The following BABAM2 variants were observed in gnomAD, a reference collection of about 807,000 sequenced individuals.
BABAM2 encodes BRISC and BRCA1-A complex member 2.
BABAM2 carries 31 observed loss-of-function variants against 54.7 expected under a neutral mutation model. The ratio of observed to expected loss-of-function variants is 0.57; its 90% CI spans 0.43 to 0.77. BABAM2 has a LOEUF of 0.77. Ranked by LOEUF, BABAM2 falls within the 30% of genes least tolerant of loss-of-function variation. The probability of loss-of-function intolerance (pLI) is 0.00; values close to 1 mark genes in which losing one functional copy is unlikely to be tolerated. For synonymous variants in BABAM2, 167 were observed against 162.9 expected (o/e 1.03, Z -0.19); for missense variants, 364 against 455.8 (o/e 0.80, Z 1.83).
intron 6 of BABAM2, among the ~76,000 whole-genome samples, chr2:28,109,675 T>C (rs1463773324): frequency 6.6e-6 from 1 of 152,196 alleles, no homozygotes; most frequent in Non-Finnish European, 1.5e-5. Flanking sequence ...GGGGATAGTC[T>C]CGCCCATGCC....
chr2:28,308,442 C>A, intron 11 of BABAM2: 2 of 527,474 alleles, frequency 3.8e-6, no homozygotes, highest in South Asian at 2.8e-5. Context: ...GACAACAACA[C>A]AACTTGTGTC....
chr2:28,162,081 A>C (rs575670207), intron 7 of BABAM2, among the ~76,000 whole-genome samples: 93 of 152,320 alleles, frequency 6.1e-4, no homozygotes, highest in Non-Finnish European at 1.2e-3. Flanking sequence ...AGTGATTTCA[A>C]ATGAAACCTT....
chr2:28,239,281 A>G (rs756754703), intron 8 of BABAM2, among the ~76,000 whole-genome samples: 3 of 152,234 alleles, frequency 2.0e-5, no homozygotes, highest in Admixed American at 6.5e-5. Flanking sequence ...CAACATGGCT[A>G]TCAGTACCAA....
chr2:28,270,493 T>A (rs1247485284), intron 10 of BABAM2, among the ~76,000 whole-genome samples: 1 of 152,220 alleles, frequency 6.6e-6, no homozygotes, highest in Admixed American at 6.5e-5. Context: ...TAAGTAGTGG[T>A]GTCTGGCACC....
intron 6 of BABAM2, among the ~76,000 whole-genome samples, chr2:28,118,599 T>C (rs1041721369): frequency 2.0e-5 from 3 of 152,186 alleles, no homozygotes; most frequent in Non-Finnish European, 4.4e-5. Context: ...ATGTTTAAGT[T>C]CCTTGTAAAC....
At chr2:28,153,122 T>C (rs1672211837) in intron 7 of BABAM2, among the ~76,000 whole-genome samples, 1 of 152,230 alleles carries the variant, frequency 6.6e-6, no homozygotes, top group Non-Finnish European at 1.5e-5. Flanking sequence ...GGAGTTGTTT[T>C]TTTTCTCCCC....
rs745376764 is a variant in BABAM2, at chr2:28,298,487, G to T, written c.1084G>T (p.Ala362Ser). ...GGATGGAAATGAAATGGCCAAAAGA[G>T]CAAAGTAAGTGAATCTGTCGTTATT... ...RWDGNEMAKR[A>S]KAYFKTFVPQ... The change falls in exon 11 of 12, where the codon GCA becomes TCA. Residue 362 changes from alanine (A) to serine (S), a missense_variant. Transcript: ENST00000379624. The T allele has an allele frequency of 1.1e-5, 17 of 1,613,998 alleles. No homozygotes were observed. Among genetic ancestry groups the T allele is most frequent in the Non-Finnish European group, 1.4e-5 (17 of 1,179,962 alleles).
intron 5 of BABAM2, among the ~76,000 whole-genome samples, chr2:28,044,386 C>T (rs781685314): frequency 2.6e-5 from 4 of 152,240 alleles, no homozygotes; most frequent in Admixed American, 1.3e-4. Flanking sequence ...CGTGCCACCA[C>T]GCCCGGCTAA....
intron 3 of BABAM2, among the ~76,000 whole-genome samples, chr2:27,961,365 C>A (rs931740467): frequency 3.3e-5 from 5 of 152,156 alleles, no homozygotes; most frequent in Non-Finnish European, 1.5e-5. Context: ...ACCCATGCAA[C>A]CATTCTGCTT....
At chr2:28,089,061 A>G (rs1359752614) in intron 6 of BABAM2, among the ~76,000 whole-genome samples, 3 of 151,936 alleles carry the variant, frequency 2.0e-5, no homozygotes, top group Non-Finnish European at 4.4e-5. Flanking sequence ...CTTTTTATTG[A>G]AAAGGGACAA....
In BABAM2 at chr2:28,300,160, G is replaced by A. The variant is rs149753736; in HGVS notation, c.1088+1669G>A. On this transcript the variant is annotated intron_variant, in intron 11 of 11. Transcript: ENST00000379624. ...TGCTATGTTGGCCAGGCTGGTCTCG[G>A]ACTCCTGACCTCAGGTGATCCGCCC... Among the ~76,000 whole-genome samples the A allele has an allele frequency of 7.1e-3, 1,079 of 152,048 alleles. 9 individuals are homozygous for A. The highest frequency in any genetic ancestry group is 0.025 in the African/African-American group (1,022 of 41,482).
rs1573790462 is a variant in BABAM2, at chr2:28,188,016, G to T, written c.681-49186G>T. Among the ~76,000 whole-genome samples the T allele has an allele frequency of 2.0e-5, 3 of 152,040 alleles. No individual in the cohort carries two copies. In the East Asian group the frequency reaches 5.8e-4, roughly 29 times the overall value. On this transcript the variant is annotated intron_variant, in intron 7 of 11. Coordinates refer to ENST00000379624, the MANE Select transcript of BABAM2 (RefSeq NM_199191.3). ...TTTCTATTACTTTTGTCATTTAAAA[G>T]GACTCAAGTATTTTTCCCCGGGCGC...
rs1441822289 is a variant in BABAM2 at position 28,237,243 on chromosome 2, C to T, written c.722C>T (p.Pro241Leu). ...TCAGCTCTTCATATCCCAGCTTTTC[C>T]AGGAGGAGGATGTCTCATTGATTAC... ...GSSALHIPAFPGGGCLIDYVP... is the reference protein window; with the variant it reads ...GSSALHIPAFLGGGCLIDYVP... The change falls in exon 8 of 12, where the codon CCA becomes CTA. Residue 241 changes from proline (P) to leucine (L), a missense_variant. Coordinates refer to ENST00000379624, the MANE Select transcript of BABAM2 (RefSeq NM_199191.3). 6.2e-7 allele frequency: 1 copy of T among 1,613,782 alleles called. No individual in the cohort carries two copies. Among genetic ancestry groups the T allele is most frequent in the Non-Finnish European group, 8.5e-7 (1 of 1,179,912 alleles).
chr2:27,901,559 G>C (rs756717157), intron 2 of BABAM2, among the ~76,000 whole-genome samples: 6 of 152,158 alleles, frequency 3.9e-5, no homozygotes, highest in Non-Finnish European at 5.9e-5. Flanking sequence ...TAAATAGACA[G>C]AACACTTTTA....
chr2:28,002,980 A>G (rs540135939), intron 4 of BABAM2, among the ~76,000 whole-genome samples: 19 of 152,296 alleles, frequency 1.2e-4, no homozygotes, highest in Non-Finnish European at 2.2e-4. Context: ...AAAGGGAGCC[A>G]GTAGCTAAAG....
At chr2:28,327,021 A>C (rs1408886781) in intron 11 of BABAM2, among the ~76,000 whole-genome samples, 2 of 152,180 alleles carry the variant, frequency 1.3e-5, no homozygotes, top group East Asian at 1.9e-4. Flanking sequence ...AGTGTTGGAC[A>C]CTATGCTCCA....
rs1370441441 is a variant in BABAM2, at chr2:28,148,454, C to G, written c.680+19074C>G. Among the ~76,000 whole-genome samples, 3 of 152,196 alleles carry G rather than the reference C, an allele frequency of 2.0e-5. No individual in the cohort carries two copies. In the East Asian group the frequency reaches 5.8e-4, roughly 29 times the overall value. On this transcript the variant is annotated intron_variant, in intron 7 of 11. Coordinates refer to ENST00000379624, the MANE Select transcript of BABAM2 (RefSeq NM_199191.3). ...AACCATTTAGTACATAGTTGGGTTA[C>G]CAAGGAAACTGGATGTACTGAAGGA...
chr2:28,209,544 A>G (rs1679232711), intron 7 of BABAM2, among the ~76,000 whole-genome samples: 1 of 152,286 alleles, frequency 6.6e-6, no homozygotes, highest in Admixed American at 6.5e-5. Context: ...ACTGAGAGGG[A>G]GGAGGGGAGG....
chr2:28,046,141 C>T (rs1677544102), intron 6 of BABAM2, among the ~76,000 whole-genome samples: 1 of 152,210 alleles, frequency 6.6e-6, no homozygotes, highest in African/African-American at 2.4e-5. Flanking sequence ...TCTGCAAACA[C>T]CCTAGCCACT....
Sources: gnomAD v4.1 joint callset for allele counts (sites outside exome capture counted in the v4.1 genomes callset) on GRCh38, gnomAD v4.1.1 for gene constraint, MANE v1.5 for transcripts, NCBI Gene and HGNC (gene_info 2026-07-23, HGNC 2026-07-21) for gene names.